Variants in LRP1B observed in about 807,000 individuals in gnomAD.
The protein encoded by LRP1B is LDL receptor related protein 1B.
A neutral mutation model predicts 556.6 loss-of-function variants in LRP1B; 217 were observed. The observed-to-expected ratio is 0.39, with a 90% CI of 0.35 to 0.44. The LOEUF is 0.44. Among genes scored for constraint, LRP1B ranks in the 20% least tolerant of loss-of-function variants. The probability of loss-of-function intolerance (pLI) is 1.00; values close to 1 mark genes in which losing one functional copy is unlikely to be tolerated. For missense variants in LRP1B, 5,053 were observed against 5,620.8 expected (o/e 0.90, Z 3.23); for synonymous variants, 2,047 against 1,865.8 (o/e 1.10, Z -2.50).
At chr2:141,206,592 A>AG (rs1682295450) in intron 6 of LRP1B, among the ~76,000 whole-genome samples, 2 of 152,122 alleles carry the variant, frequency 1.3e-5, no homozygotes, top group Middle Eastern at 3.4e-3. Context: ...GTCTCAAAAA[A>AG]AAAATAAAGA....
chr2:140,721,138 T>G (rs1034906189), intron 35 of LRP1B, among the ~76,000 whole-genome samples: 1 of 152,176 alleles, frequency 6.6e-6, no homozygotes, highest in African/African-American at 2.4e-5. Context: ...TATGATCTTC[T>G]AATGCTTTTA....
intron 4 of LRP1B, among the ~76,000 whole-genome samples, chr2:141,254,318 T>G (rs1684380081): frequency 6.6e-6 from 1 of 152,084 alleles, no homozygotes; most frequent in Non-Finnish European, 1.5e-5. Flanking sequence ...AGTTTGAAAT[T>G]ACTGCAAAAA....
At chr2:141,621,495 G>A (rs1472580105) in intron 2 of LRP1B, among the ~76,000 whole-genome samples, 1 of 152,136 alleles carries the variant, frequency 6.6e-6, no homozygotes, top group Non-Finnish European at 1.5e-5. Context: ...GAATTTTCTA[G>A]ATGTGAATGA....
chr2:141,589,377 AG>A (rs1012686376), intron 2 of LRP1B, among the ~76,000 whole-genome samples: 2 of 152,136 alleles, frequency 1.3e-5, no homozygotes, highest in Admixed American at 6.5e-5. Flanking sequence ...GGATTATAAA[AG>A]TTTGTAGGTC....
intron 2 of LRP1B, among the ~76,000 whole-genome samples, chr2:141,614,217 C>A (rs1443896752): frequency 1.3e-5 from 2 of 151,186 alleles, no homozygotes; most frequent in Non-Finnish European, 2.9e-5. Context: ...ATTATGGAAT[C>A]TTTTTCTCAC....
chr2:140,954,567 AT>A (rs1265350734), intron 18 of LRP1B, among the ~76,000 whole-genome samples: 1 of 152,036 alleles, frequency 6.6e-6, no homozygotes, highest in African/African-American at 2.4e-5. Flanking sequence ...TTCCATGTAA[AT>A]TTTAAAATTA....
intron 32 of LRP1B, among the ~76,000 whole-genome samples, chr2:140,781,551 G>A (rs760200980): frequency 1.3e-5 from 2 of 152,098 alleles, no homozygotes; most frequent in African/African-American, 2.4e-5. Flanking sequence ...AAAATGACAG[G>A]AGACAAGAGT....
chr2:140,331,862 A>AT (rs1395802134), intron 79 of LRP1B, among the ~76,000 whole-genome samples: 2 of 151,460 alleles, frequency 1.3e-5, no homozygotes, highest in African/African-American at 2.4e-5. Context: ...TGCCTGGCTT[A>AT]TTTTTTGTAT....
At chr2:141,575,675 T>C (rs1299496973) in intron 2 of LRP1B, among the ~76,000 whole-genome samples, 3 of 151,804 alleles carry the variant, frequency 2.0e-5, no homozygotes, top group Non-Finnish European at 4.4e-5. Context: ...ATCTACAGAA[T>C]GAGAGAAAAC....
At chr2:141,792,305 G>C (rs982615285) in intron 2 of LRP1B, among the ~76,000 whole-genome samples, 1 of 151,888 alleles carries the variant, frequency 6.6e-6, no homozygotes. Context: ...CCATACTTTT[G>C]ACATTCAAAA....
At chr2:141,156,636 A>AT in intron 7 of LRP1B, among the ~76,000 whole-genome samples, 1 of 151,822 alleles carries the variant, frequency 6.6e-6, no homozygotes, top group East Asian at 1.9e-4. Context: ...AAAAAAAAAA[A>AT]TCAATTCACA....
chr2:140,341,053 G>C (rs1681366046), intron 77 of LRP1B, among the ~76,000 whole-genome samples: 1 of 151,658 alleles, frequency 6.6e-6, no homozygotes, highest in Admixed American at 6.6e-5. Context: ...GAATCATTAG[G>C]TAAGTTCCTT....
chr2:141,238,307 A>T (rs1521100), intron 5 of LRP1B, among the ~76,000 whole-genome samples: 43,388 of 152,028 alleles, frequency 0.29, 6,748 homozygotes, highest in Middle Eastern at 0.47. Context: ...TCTATGTTAT[A>T]GATTAGTAAT....
chr2:140,470,451 C>T (rs1270448771), intron 60 of LRP1B, among the ~76,000 whole-genome samples: 4 of 151,916 alleles, frequency 2.6e-5, no homozygotes, highest in South Asian at 2.1e-4. Context: ...CAAGACCATC[C>T]TGGCTAACAC....
chr2:140,706,373 T>C (rs1169437149), intron 37 of LRP1B, among the ~76,000 whole-genome samples: 1 of 152,168 alleles, frequency 6.6e-6, no homozygotes, highest in Non-Finnish European at 1.5e-5. Flanking sequence ...CTAGAAAATA[T>C]TAAACTTGTC....
At chr2:140,312,341 C>T (rs2105030716) in intron 83 of LRP1B, among the ~76,000 whole-genome samples, 1 of 151,960 alleles carries the variant, frequency 6.6e-6, no homozygotes, top group Non-Finnish European at 1.5e-5. Context: ...AAGTACAAAC[C>T]CTCTAGTTCC....
At chr2:142,078,062 CACA>C (rs1009589768) in intron 1 of LRP1B, among the ~76,000 whole-genome samples, 29 of 152,090 alleles carry the variant, frequency 1.9e-4, no homozygotes, top group Admixed American at 3.9e-4. Context: ...TCTTTATTTT[CACA>C]ACATGTAATC....
chr2:141,338,267 T>C (rs1016083925), intron 3 of LRP1B, among the ~76,000 whole-genome samples: 3 of 152,108 alleles, frequency 2.0e-5, no homozygotes, highest in African/African-American at 7.2e-5. Flanking sequence ...ACTGCCACCA[T>C]AAGCTCAATT....
At chr2:141,289,938 A>ATT (rs141050078) in intron 3 of LRP1B, among the ~76,000 whole-genome samples, 1 of 152,332 alleles carries the variant, frequency 6.6e-6, no homozygotes, top group African/African-American at 2.4e-5. Context: ...TTATTTTAAC[A>ATT]TTCACTGTGA....
Sources: allele counts gnomAD v4.1 joint callset (sites outside exome capture counted in the v4.1 genomes callset), GRCh38; gene constraint gnomAD v4.1.1; transcripts MANE v1.5; gene names NCBI Gene and HGNC (gene_info 2026-07-23, HGNC 2026-07-21).